Variants in OSR2 observed in about 807,000 individuals in gnomAD.
OSR2 encodes protein odd-skipped-related 2.
Under a neutral mutation model 22.3 loss-of-function variants are expected in OSR2, and 8 were observed. That is an observed-to-expected ratio of 0.36 (90% confidence interval 0.21 to 0.65). The LOEUF (loss-of-function observed/expected upper bound fraction) is 0.65. Ranked by LOEUF, OSR2 falls within the 30% of genes least tolerant of loss-of-function variation. The pLI, the probability that OSR2 is intolerant of heterozygous loss-of-function variation, is 0.66. For synonymous variants in OSR2, 179 were observed against 173.8 expected (o/e 1.03, Z -0.23); for missense variants, 311 against 413.4 (o/e 0.75, Z 2.15).
rs1376783562 is a variant in OSR2 at position 98,951,759 on chromosome 8, G to A, written c.*58G>A. The A allele has an allele frequency of 4.8e-5, 73 of 1,535,298 alleles. No homozygotes were observed. The highest frequency in any genetic ancestry group is 5.9e-5 in the Non-Finnish European group (67 of 1,138,414). On this transcript the variant is annotated 3_prime_UTR_variant, in exon 4 of 4. Transcript: ENST00000297565. ...CTCCCCTCCCCAGACACCTCTCCACGTCTCCTACCCAGGGGGTCGCATCCC... is the reference window on the plus strand; with the variant it reads ...CTCCCCTCCCCAGACACCTCTCCACATCTCCTACCCAGGGGGTCGCATCCC...
chr8:98,951,327 C>T (rs1406022381), intron 3 of OSR2, among the ~76,000 whole-genome samples, 192 bp from the exon 4 acceptor site: 16 of 152,164 alleles, frequency 1.1e-4, no homozygotes, highest in Admixed American at 1.0e-3. Flanking sequence ...GTAATCGGGC[C>T]TCTGTGTATG....
intron 1 of OSR2, among the ~76,000 whole-genome samples, chr8:98,947,333 A>T (rs1030576523): frequency 1.3e-5 from 2 of 151,548 alleles, no homozygotes; most frequent in African/African-American, 4.8e-5. Flanking sequence ...TAGCCCCCTA[A>T]GTCTGCTCAC....
At chr8:98,946,948 G>A (rs531804134) in intron 1 of OSR2, among the ~76,000 whole-genome samples, 6 of 151,948 alleles carry the variant, frequency 3.9e-5, no homozygotes, top group Non-Finnish European at 7.4e-5. Flanking sequence ...TCCTCATTAC[G>A]CAAAGAGAAG....
chr8:98,951,062 T>C, intron 3 of OSR2: 1 of 551,558 alleles, frequency 1.8e-6, no homozygotes, highest in South Asian at 2.6e-5. Flanking sequence ...GTAATTTTGA[T>C]AATGGAGGCA....
Position 98,951,777 on chromosome 8 carries a change from C to A in OSR2, c.*76C>A, listed in dbSNP as rs727011. ...TCTCCACGTCTCCTACCCAGGGGGT[C>A]GCATCCCTAGCCCTTCACTGACCCC... On this transcript the variant is annotated 3_prime_UTR_variant, in exon 4 of 4. Transcript: ENST00000297565. The A allele has an allele frequency of 1.4e-6, 2 of 1,460,316 alleles. No individual in the cohort carries two copies. Among genetic ancestry groups the A allele is most frequent in the East Asian group, 4.9e-5 (2 of 40,504 alleles). The allele number at this position is 1,460,316 out of a possible 1,614,324, so 90.5% of individuals were successfully genotyped here.
Position 98,948,382 on chromosome 8 carries a change from C to A in OSR2, c.-114-457C>A, listed in dbSNP as rs1840674308. ...GGGATCTCACGACCCATCCGTTAAC[C>A]CACCGTTCCCAGGAGCTCCGAGGCG... On this transcript the variant is annotated intron_variant, in intron 1 of 3. Coordinates refer to ENST00000297565, the MANE Select transcript of OSR2 (RefSeq NM_001142462.3). The surrounding 1 kb of genome is among the most constrained non-coding windows in gnomAD (Gnocchi z 6.0). 7 of 1,480,774 alleles carry A rather than the reference C, an allele frequency of 4.7e-6. No individual in the cohort carries two copies. The highest frequency in any genetic ancestry group is 6.3e-6 in the Non-Finnish European group (7 of 1,117,854). 91.7% of individuals were successfully genotyped at this position (1,480,774 alleles called of 1,614,324 possible).
In OSR2 at chr8:98,952,058, G is replaced by C; in HGVS notation, c.*357G>C. ...ATGGAAGCCAAATTTTATCTTTAAA[G>C]ACTGTATTTTCAAAATAAAACTTTT... is the stretch of plus-strand genomic sequence containing the variant. On this transcript the variant is annotated 3_prime_UTR_variant, in exon 4 of 4. Coordinates refer to ENST00000297565, the MANE Select transcript of OSR2 (RefSeq NM_001142462.3). The C allele has an allele frequency of 5.5e-6, 1 of 182,706 alleles. No individual in the cohort carries two copies. Among genetic ancestry groups the C allele is most frequent in the South Asian group, 1.8e-4 (1 of 5,480 alleles). 11.3% of individuals were successfully genotyped at this position (182,706 alleles called of 1,614,324 possible).
intron 1 of OSR2, among the ~76,000 whole-genome samples, chr8:98,945,641 C>T (rs753539732): frequency 1.6e-4 from 25 of 152,178 alleles, no homozygotes; most frequent in Non-Finnish European, 3.7e-4. Context: ...CTAGATTATG[C>T]GGAAGGCATC....
intron 2 of OSR2, 50 bp from the exon 3 acceptor site, chr8:98,950,606 C>G (rs767535731): frequency 7.4e-6 from 9 of 1,213,410 alleles, no homozygotes; most frequent in Non-Finnish European, 7.1e-6. Context: ...AAAAGTAACT[C>G]TTCACCATGG....
rs111270451 is a variant in OSR2 at position 98,948,650 on chromosome 8, C to T, written c.-114-189C>T. ...AGTGGAGCACTTCTTGTTCTGGCCC[C>T]GGGCTGATCTGCACGCGGACTTGAG... On this transcript the variant is annotated intron_variant, in intron 1 of 3. Coordinates refer to ENST00000297565, the MANE Select transcript of OSR2 (RefSeq NM_001142462.3). This position sits in a 1 kb window ranked among gnomAD's most constrained non-coding sequence, Gnocchi z 6.0. 13 of 966,366 alleles carry T rather than the reference C, an allele frequency of 1.3e-5. No homozygotes were observed. The East Asian group carries it at 3.5e-4, about 26-fold the overall frequency. 59.9% of individuals were successfully genotyped at this position (966,366 alleles called of 1,614,324 possible).
At chr8:98,951,282 G>A (rs1420988946) in intron 3 of OSR2, among the ~76,000 whole-genome samples, 2 of 152,170 alleles carry the variant, frequency 1.3e-5, no homozygotes, top group Non-Finnish European at 2.9e-5. Context: ...AAAGCCCACC[G>A]AGGTGGCTGC....
chr8:98,948,778 G>A lies in OSR2; in HGVS notation c.-114-61G>A. 2 of 1,465,352 alleles carry A rather than the reference G, an allele frequency of 1.4e-6. No individual in the cohort carries two copies. The highest frequency in any genetic ancestry group is 1.8e-6 in the Non-Finnish European group (2 of 1,106,608). The allele number at this position is 1,465,352 out of a possible 1,614,324, so 90.8% of individuals were successfully genotyped here. ...TGGTAACCTGCGCAGGTGCCAAAGGGCAGAAGGAGCAGCCTTGGATTATAG... is the reference window on the plus strand; with the variant it reads ...TGGTAACCTGCGCAGGTGCCAAAGGACAGAAGGAGCAGCCTTGGATTATAG... On this transcript the variant is annotated intron_variant, in intron 1 of 3. Transcript: ENST00000297565. This position sits in a 1 kb window ranked among gnomAD's most constrained non-coding sequence, Gnocchi z 6.0.
chr8:98,948,364 C>A lies in OSR2; in HGVS notation c.-114-475C>A. ...GGCGGCAGCGCAGCGCGTGGGATCTCACGACCCATCCGTTAACCCACCGTT... is the reference window on the plus strand; with the variant it reads ...GGCGGCAGCGCAGCGCGTGGGATCTAACGACCCATCCGTTAACCCACCGTT... On this transcript the variant is annotated intron_variant, in intron 1 of 3. Transcript: ENST00000297565. The surrounding 1 kb of genome is among the most constrained non-coding windows in gnomAD (Gnocchi z 6.0). 1 of 1,510,058 alleles carries A rather than the reference C, an allele frequency of 6.6e-7. No individual in the cohort carries two copies. The highest frequency in any genetic ancestry group is 1.2e-5 in the South Asian group (1 of 81,720). The allele number at this position is 1,510,058 out of a possible 1,614,324, so 93.5% of individuals were successfully genotyped here. A position where few individuals can be genotyped will look rare whatever the true frequency, so the allele number is the denominator to read the frequency against.
At chr8:98,945,436 A>G (rs1349384660) in intron 1 of OSR2, among the ~76,000 whole-genome samples, 45 of 152,208 alleles carry the variant, frequency 3.0e-4, no homozygotes, top group Admixed American at 2.9e-3. Flanking sequence ...ACGAAGAAGG[A>G]GCGAGGAAAA....
Position 98,948,177 on chromosome 8 carries a change from G to T in OSR2, c.-114-662G>T. 7.1e-7 allele frequency: 1 copy of T among 1,401,684 alleles called. No homozygotes were observed. Among genetic ancestry groups the T allele is most frequent in the Non-Finnish European group, 9.2e-7 (1 of 1,081,474 alleles). The allele number at this position is 1,401,684 out of a possible 1,614,324, so 86.8% of individuals were successfully genotyped here. ...GCGGCCCGTCACCGCTGATAGATGG[G>T]GCTGAGGGCAGAGGAAGGAAAAAGA... On this transcript the variant is annotated intron_variant, in intron 1 of 3. Coordinates refer to ENST00000297565, the MANE Select transcript of OSR2 (RefSeq NM_001142462.3). The surrounding 1 kb of genome is among the most constrained non-coding windows in gnomAD (Gnocchi z 6.0).
rs752361273 is a variant in OSR2 at position 98,951,706 on chromosome 8, G to A, written c.*5G>A. The stretch of plus-strand genomic sequence containing the variant: ...ACCCCGCGGCAGGACTTCTAGAGAA[G>A]CCCAGGATCTGTCCCGTGCCGCCGC... On this transcript the variant is annotated 3_prime_UTR_variant, in exon 4 of 4. Coordinates refer to ENST00000297565, the MANE Select transcript of OSR2 (RefSeq NM_001142462.3). The A allele has an allele frequency of 1.9e-6, 3 of 1,610,060 alleles. No homozygotes were observed. The South Asian group carries it at 3.3e-5, about 18-fold the overall frequency.
intron 2 of OSR2, 24 bp from the exon 3 acceptor site, chr8:98,950,632 A>G (rs1399503193): frequency 1.2e-5 from 18 of 1,515,354 alleles, no homozygotes; most frequent in Non-Finnish European, 1.6e-5. Flanking sequence ...AGTTATTTCA[A>G]TGAAACCTTA....
Position 98,949,710 on chromosome 8 carries a change from T to G in OSR2, c.656+102T>G. On this transcript the variant is annotated intron_variant, in intron 2 of 3. Coordinates refer to ENST00000297565, the MANE Select transcript of OSR2 (RefSeq NM_001142462.3). The surrounding 1 kb of genome is among the most constrained non-coding windows in gnomAD (Gnocchi z 5.9). Reference sequence around the variant, plus strand: ...CCAGTGTCATTATAATCCCCTGTGATCTAAAATACACCCTCAGTCACGCTC... The same window carrying G: ...CCAGTGTCATTATAATCCCCTGTGAGCTAAAATACACCCTCAGTCACGCTC... 1.5e-6 allele frequency: 2 copies of G among 1,350,010 alleles called. No homozygotes were observed. The highest frequency in any genetic ancestry group is 2.0e-6 in the Non-Finnish European group (2 of 986,270). The allele number at this position is 1,350,010 out of a possible 1,614,324, so 83.6% of individuals were successfully genotyped here. A position where few individuals can be genotyped will look rare whatever the true frequency, so the allele number is the denominator to read the frequency against.
Position 98,948,212 on chromosome 8 carries a change from A to G in OSR2, c.-114-627A>G. ...AGAGGAAGGAAAAAGAAAACCTCCG[A>G]GGTCAGTGCGGGGCGAGGTGAGCCC... On this transcript the variant is annotated intron_variant, in intron 1 of 3. Coordinates refer to ENST00000297565, the MANE Select transcript of OSR2 (RefSeq NM_001142462.3). This position sits in a 1 kb window ranked among gnomAD's most constrained non-coding sequence, Gnocchi z 6.0. The G allele has an allele frequency of 1.4e-6, 2 of 1,430,768 alleles. No individual in the cohort carries two copies. Among genetic ancestry groups the G allele is most frequent in the Non-Finnish European group, 1.8e-6 (2 of 1,095,188 alleles). 88.6% of individuals were successfully genotyped at this position (1,430,768 alleles called of 1,614,324 possible). A position where few individuals can be genotyped will look rare whatever the true frequency, so the allele number is the denominator to read the frequency against.
Sources: allele counts gnomAD v4.1 joint callset (sites outside exome capture counted in the v4.1 genomes callset), GRCh38; gene constraint gnomAD v4.1.1; non-coding constraint Gnocchi (gnomAD v3.1); transcripts MANE v1.5; gene names NCBI Gene and HGNC (gene_info 2026-07-23, HGNC 2026-07-21).